The following KAT2B variants were observed in gnomAD, a reference collection of about 807,000 sequenced individuals.
KAT2B encodes the protein histone acetyltransferase KAT2B.
A neutral mutation model predicts 105.9 loss-of-function variants in KAT2B; 36 were observed. The ratio of observed to expected loss-of-function variants is 0.34; its 90% CI spans 0.26 to 0.45. The LOEUF is 0.45. Among genes scored for constraint, KAT2B ranks in the 20% least tolerant of loss-of-function variants. KAT2B has a pLI of 1.00. For missense variants in KAT2B, 820 were observed against 1,021.6 expected (o/e 0.80, Z 2.69); for synonymous variants, 397 against 377.9 (o/e 1.05, Z -0.59).
At chr3:20,073,236 T>C (rs1368260319) in intron 2 of KAT2B, among the ~76,000 whole-genome samples, 4 of 152,224 alleles carry the variant, frequency 2.6e-5, no homozygotes, top group Non-Finnish European at 5.9e-5. Flanking sequence ...CCTTCAGTTA[T>C]ACAGTCTCCC....
intron 1 of KAT2B, among the ~76,000 whole-genome samples, chr3:20,042,627 G>A (rs780893087): frequency 2.6e-5 from 4 of 152,184 alleles, no homozygotes; most frequent in Non-Finnish European, 4.4e-5. Context: ...TCTCAACTCA[G>A]TGTTTCTGTT....
intron 2 of KAT2B, 95 bp from the exon 3 acceptor site, chr3:20,095,156 TAAAGGATTGATG>T (rs1698787052): frequency 2.3e-6 from 2 of 876,500 alleles, no homozygotes; most frequent in Non-Finnish European, 3.5e-6. Context: ...CCAGTGAACT[TAAAGGATTGATG>T]GTAAGACTGA....
In KAT2B at chr3:20,153,607, T is replaced by C. The variant is rs1699903596; in HGVS notation, c.*1082T>C. The C allele has an allele frequency of 1.3e-5, 2 of 152,632 alleles. No individual in the cohort carries two copies. The highest frequency in any genetic ancestry group is 6.5e-5 in the Admixed American group (1 of 15,282). The allele number at this position is 152,632 out of a possible 1,614,324, so 9.5% of individuals were successfully genotyped here. Reference sequence around the variant, plus strand: ...GGTCATAACCCCCTAAAATCCATCATGCAACCTTATTAATCTGTCTTGGGA... The same window carrying C: ...GGTCATAACCCCCTAAAATCCATCACGCAACCTTATTAATCTGTCTTGGGA... On this transcript the variant is annotated 3_prime_UTR_variant, in exon 18 of 18. Coordinates refer to ENST00000263754, the MANE Select transcript of KAT2B (RefSeq NM_003884.5).
At chr3:20,140,960 T>C (rs1311236654) in intron 13 of KAT2B, among the ~76,000 whole-genome samples, 2 of 152,160 alleles carry the variant, frequency 1.3e-5, no homozygotes, top group African/African-American at 2.4e-5. Flanking sequence ...CATTCTGGCC[T>C]CAATTATTGT....
At chr3:20,071,019 A>C (rs937355825) in intron 1 of KAT2B, among the ~76,000 whole-genome samples, 2 of 64,378 alleles carry the variant, frequency 3.1e-5, no homozygotes, top group Non-Finnish European at 6.1e-5. Context: ...TAAAAAAAAA[A>C]AAACCAAAAA....
intron 11 of KAT2B, among the ~76,000 whole-genome samples, chr3:20,130,271 G>T (rs1351956415): frequency 6.6e-6 from 1 of 152,330 alleles, no homozygotes; most frequent in East Asian, 1.9e-4. Context: ...TCATCATTCT[G>T]ACTGGGGAAG....
At chr3:20,054,634 G>A (rs543302430) in intron 1 of KAT2B, among the ~76,000 whole-genome samples, 1 of 152,276 alleles carries the variant, frequency 6.6e-6, no homozygotes, top group African/African-American at 2.4e-5. Context: ...CGAGGTTTGT[G>A]TGGTATGCAG....
chr3:20,065,294 G>A (rs1181897172), intron 1 of KAT2B, among the ~76,000 whole-genome samples: 1 of 152,118 alleles, frequency 6.6e-6, no homozygotes, highest in Non-Finnish European at 1.5e-5. Context: ...AATTGGCTTG[G>A]CAGTGCACTC....
At chr3:20,063,347 T>C (rs1438832539) in intron 1 of KAT2B, among the ~76,000 whole-genome samples, 1 of 151,532 alleles carries the variant, frequency 6.6e-6, no homozygotes, top group African/African-American at 2.4e-5. Flanking sequence ...CCTGGCCGCC[T>C]GTGCTTTTGG....
chr3:20,144,465 A>T (rs1460385644), intron 13 of KAT2B, among the ~76,000 whole-genome samples: 1 of 149,786 alleles, frequency 6.7e-6, no homozygotes, highest in Non-Finnish European at 1.5e-5. Context: ...ATTTTTTGTA[A>T]TTTTTAGTAG....
intron 1 of KAT2B, among the ~76,000 whole-genome samples, chr3:20,056,071 T>G (rs140701103): frequency 1.3e-5 from 2 of 152,184 alleles, no homozygotes; most frequent in Non-Finnish European, 1.5e-5. Flanking sequence ...GAATTCAAAT[T>G]AGATTTCCGG....
chr3:20,112,889 A>G (rs896046362), intron 6 of KAT2B, among the ~76,000 whole-genome samples: 1 of 152,238 alleles, frequency 6.6e-6, no homozygotes, highest in South Asian at 2.1e-4. Flanking sequence ...TAGGTTCAAA[A>G]CAACAAAAAT....
At chr3:20,139,862 T>G in intron 12 of KAT2B, among the ~76,000 whole-genome samples, 1 of 152,208 alleles carries the variant, frequency 6.6e-6, no homozygotes, top group African/African-American at 2.4e-5. Flanking sequence ...TTGCTGAGAA[T>G]CCTGGGGACC....
chr3:20,062,126 A>ATATAT lies in KAT2B; in HGVS notation c.304-10206_304-10202dup, dbSNP rs1559514127. Among the ~76,000 whole-genome samples, 48 of 76,256 alleles carry ATATAT rather than the reference A, an allele frequency of 6.3e-4. 2 individuals carry two copies. Among genetic ancestry groups the ATATAT allele is most frequent in the African/African-American group, 2.7e-3 (46 of 16,806 alleles). 50.0% of individuals were successfully genotyped at this position (76,256 alleles called of 152,430 possible). On this transcript the variant is annotated intron_variant, in intron 1 of 17. Transcript: ENST00000263754. ...ATAATATATATTATATAAAACATAT[A>ATATAT]TATATAAAATATATAATATATAAAA...
intron 2 of KAT2B, among the ~76,000 whole-genome samples, chr3:20,081,887 A>ATATATATATATATATATATATG (rs1559305725): frequency 2.7e-5 from 4 of 148,008 alleles, no homozygotes; most frequent in African/African-American, 5.0e-5. Flanking sequence ...TCATATATAT[A>ATATATATATATATATATATATG]TATGTATAAA....
intron 1 of KAT2B, among the ~76,000 whole-genome samples, chr3:20,054,122 G>GTTTTTGT (rs1221776921): frequency 2.7e-5 from 4 of 150,266 alleles, no homozygotes; most frequent in African/African-American, 9.8e-5. Context: ...TTTTGTTTTT[G>GTTTTTGT]TTTTTTGTTT....
chr3:20,062,464 T>A (rs558937992), intron 1 of KAT2B, among the ~76,000 whole-genome samples: 4 of 126,408 alleles, frequency 3.2e-5, no homozygotes, highest in Admixed American at 1.0e-4. Flanking sequence ...ATATTTTATT[T>A]TATATATATA....
intron 1 of KAT2B, among the ~76,000 whole-genome samples, chr3:20,053,927 A>G (rs1408808449): frequency 2.0e-5 from 3 of 152,028 alleles, no homozygotes; most frequent in Non-Finnish European, 4.4e-5. Flanking sequence ...TCTCCCAAGT[A>G]GCTGAGATTA....
At chr3:20,067,008 T>C (rs1054245932) in intron 1 of KAT2B, among the ~76,000 whole-genome samples, 1 of 152,156 alleles carries the variant, frequency 6.6e-6, no homozygotes, top group African/African-American at 2.4e-5. Context: ...GACAGCACAG[T>C]TGGAGTGCTG....
Sources: gnomAD v4.1 joint callset for allele counts (sites outside exome capture counted in the v4.1 genomes callset) on GRCh38, gnomAD v4.1.1 for gene constraint, MANE v1.5 for transcripts, NCBI Gene and HGNC (gene_info 2026-07-23, HGNC 2026-07-21) for gene names.